CLMN: variants seen among roughly 807,000 people sequenced by gnomAD.
CLMN encodes calmin, also known as calmin (calponin-like, transmembrane).
A neutral mutation model predicts 92.7 loss-of-function variants in CLMN; 57 were observed. The ratio of observed to expected loss-of-function variants is 0.61; its 90% CI spans 0.50 to 0.77. CLMN has a LOEUF of 0.77. Ranked by LOEUF, CLMN falls within the 30% of genes least tolerant of loss-of-function variation. The pLI, the probability that CLMN is intolerant of heterozygous loss-of-function variation, is 0.00. For missense variants in CLMN, 1,158 were observed against 1,237.5 expected (o/e 0.94, Z 0.96); for synonymous variants, 466 against 470.6 (o/e 0.99, Z 0.13).
Position 95,191,971 on chromosome 14 carries a change from G to A in CLMN, c.2841-239C>T. Reference sequence around the variant, plus strand: ...TCCGTTCATCTCCATAACATCAGGTGAGAGGAGGTGGCAGCCCCATTCTGC... The same window carrying A: ...TCCGTTCATCTCCATAACATCAGGTAAGAGGAGGTGGCAGCCCCATTCTGC... On this transcript the variant is annotated intron_variant, in intron 12 of 12. Transcript: ENST00000298912. This position sits in a 1 kb window ranked among gnomAD's most constrained non-coding sequence, Gnocchi z 5.3. 2.6e-6 allele frequency: 1 copy of A among 390,740 alleles called. No homozygotes were observed. The highest frequency in any genetic ancestry group is 4.6e-6 in the Non-Finnish European group (1 of 218,620). The allele number at this position is 390,740 out of a possible 1,614,324, so 24.2% of individuals were successfully genotyped here. A position where few individuals can be genotyped will look rare whatever the true frequency, so the allele number is the denominator to read the frequency against.
intron 6 of CLMN, 54 bp downstream of exon 6, chr14:95,213,165 G>T: frequency 6.4e-7 from 1 of 1,557,870 alleles, no homozygotes; most frequent in Non-Finnish European, 8.8e-7. Context: ...CCTTTCCTCT[G>T]CCTGAAAGCA....
At position 95,204,240 on chromosome 14, in the gene CLMN, T is replaced by C. The variant is rs1896977892; in HGVS notation, c.1109A>G (p.His370Arg). ...KEFRLDGVSS[H>R]ALSDSSTEFM... is the part of the protein sequence containing the mutation. Reference sequence around the variant, plus strand: ...CTCGGTGGAGCTGTCTGACAGCGCATGGCTGGAAACACCATCCAGGCGGAA... The same window carrying C: ...CTCGGTGGAGCTGTCTGACAGCGCACGGCTGGAAACACCATCCAGGCGGAA... Residue 370 changes from histidine (H) to arginine (R), a missense_variant, in exon 9 of 13, where the codon CAT (histidine) becomes CGT (arginine). Physicochemically the swap from His to Arg is conservative, Grantham distance 29 (BLOSUM62 0). Coordinates refer to ENST00000298912, the MANE Select transcript of CLMN (RefSeq NM_024734.4). 2 of 1,613,860 alleles carry C rather than the reference T, an allele frequency of 1.2e-6. No individual in the cohort carries two copies. Among genetic ancestry groups the C allele is most frequent in the African/African-American group, 1.3e-5 (1 of 74,826 alleles).
At chr14:95,230,366 G>A (rs1897846305) in intron 1 of CLMN, among the ~76,000 whole-genome samples, 1 of 152,164 alleles carries the variant, frequency 6.6e-6, no homozygotes, top group South Asian at 2.1e-4. Context: ...CAGACACATG[G>A]AACAAAATGT....
chr14:95,232,852 C>G lies in CLMN; in HGVS notation c.83-2719G>C, dbSNP rs548624040. On this transcript the variant is annotated intron_variant, in intron 1 of 12. Coordinates refer to ENST00000298912, the MANE Select transcript of CLMN (RefSeq NM_024734.4). ...GTTTTCCATAGTCTGGTTGTTCCCC[C>G]TGTGGATGGACATCAAGACTGCTGC... is the stretch of plus-strand genomic sequence containing the variant. Among the ~76,000 whole-genome samples, 73 of 152,308 alleles carry G rather than the reference C, an allele frequency of 4.8e-4. 1 individual carries two copies. Among genetic ancestry groups the G allele is most frequent in the African/African-American group, 1.7e-3 (70 of 41,574 alleles).
intron 1 of CLMN, among the ~76,000 whole-genome samples, chr14:95,282,087 T>C (rs1482306882): frequency 1.3e-5 from 2 of 152,220 alleles, no homozygotes; most frequent in Non-Finnish European, 2.9e-5. Context: ...AACATGTCAA[T>C]TGGGTTCTGA....
At chr14:95,214,068 G>T (rs1335081926) in intron 5 of CLMN, among the ~76,000 whole-genome samples, 1 of 151,916 alleles carries the variant, frequency 6.6e-6, no homozygotes, top group South Asian at 2.1e-4. Flanking sequence ...TGAGCTAGCT[G>T]CCCCTGCTTG....
At chr14:95,276,327 G>A (rs76446311) in intron 1 of CLMN, among the ~76,000 whole-genome samples, 16,427 of 152,184 alleles carry the variant, frequency 0.11, 1,060 homozygotes, top group African/African-American at 0.17. Context: ...AGTGGATTTC[G>A]TGCCACAGGA....
chr14:95,314,996 C>T (rs1239221187), intron 1 of CLMN, among the ~76,000 whole-genome samples: 1 of 152,178 alleles, frequency 6.6e-6, no homozygotes, highest in Non-Finnish European at 1.5e-5. Flanking sequence ...GGAACAGGAA[C>T]GGTCCCTCCT....
chr14:95,226,662 A>T (rs1191173405), intron 2 of CLMN, among the ~76,000 whole-genome samples: 2 of 151,828 alleles, frequency 1.3e-5, no homozygotes. Flanking sequence ...CTGCAGTCTC[A>T]AACCCTTAGC....
Position 95,210,688 on chromosome 14 carries a change from T to G in CLMN, c.800A>C (p.Glu267Ala). 1 of 1,605,932 alleles carries G rather than the reference T, an allele frequency of 6.2e-7. No individual in the cohort carries two copies. Among genetic ancestry groups the G allele is most frequent in the Non-Finnish European group, 8.5e-7 (1 of 1,177,248 alleles). ...AAGAAAGAGAGAACCACTGCTACCT[T>G]CTGGCTCCAGGAGCCTGGGGATGTG... ...ALHIPRLLEP[E>A]DIMVDTPDEQ... The change falls in exon 7 of 13, where the codon GAA becomes GCA. Residue 267 changes from glutamate to alanine, a missense_variant and splice_region_variant. Glu to Ala is a moderately radical substitution (Grantham distance 107). Transcript: ENST00000298912.
In CLMN at chr14:95,182,705, C is replaced by T. The variant is rs766642491; in HGVS notation, c.*8859G>A. 4 of 149,856 alleles carry T rather than the reference C, an allele frequency of 2.7e-5. No individual in the cohort carries two copies. Among genetic ancestry groups the T allele is most frequent in the Non-Finnish European group, 4.4e-5 (3 of 68,012 alleles). 9.3% of individuals were successfully genotyped at this position (149,856 alleles called of 1,614,324 possible). A position where few individuals can be genotyped will look rare whatever the true frequency, so the allele number is the denominator to read the frequency against. The stretch of plus-strand genomic sequence containing the variant: ...TCAGAAGCCTTTTTGAGTCGTTACT[C>T]GGGGAAGGGGAAAAGATGAGGGATG... On this transcript the variant is annotated 3_prime_UTR_variant, in exon 13 of 13. Transcript: ENST00000298912.
intron 1 of CLMN, among the ~76,000 whole-genome samples, chr14:95,319,311 A>T (rs1223278706): frequency 2.8e-5 from 4 of 144,758 alleles, no homozygotes; most frequent in African/African-American, 1.1e-4. Flanking sequence ...ACTCACACAC[A>T]CACACACACA....
Position 95,252,486 on chromosome 14 carries a change from T to C in CLMN, c.83-22353A>G, listed in dbSNP as rs78461332. Among the ~76,000 whole-genome samples, 68 of 152,318 alleles carry C rather than the reference T, an allele frequency of 4.5e-4. 1 individual carries two copies. The East Asian group carries it at 0.013, about 29-fold the overall frequency. Reference sequence around the variant, plus strand: ...CACCCATCAGTCCAAGCAAGACTCATTGCTTACGAGTAGCTGAGAGACATC... The same window carrying C: ...CACCCATCAGTCCAAGCAAGACTCACTGCTTACGAGTAGCTGAGAGACATC... On this transcript the variant is annotated intron_variant, in intron 1 of 12. Transcript: ENST00000298912.
At position 95,203,314 on chromosome 14, in the gene CLMN, G is replaced by A. The variant is rs1341395995; in HGVS notation, c.2035C>T (p.Leu679Phe). 1 of 1,614,114 alleles carries A rather than the reference G, an allele frequency of 6.2e-7. No homozygotes were observed. Residue 679 changes from leucine (L) to phenylalanine (F), a missense_variant, in exon 9 of 13, where the codon CTC becomes TTC. By Grantham distance (22) the Leu-to-Phe change is conservative. Transcript: ENST00000298912. Reference protein sequence around the residue: ...HYEEEGEDDDLQGVGEELSSS... With the variant: ...HYEEEGEDDDFQGVGEELSSS... ...GATAATTCCTCGCCCACACCCTGGAGGTCATCGTCTTCTCCCTCTTCCTCA... is the reference window on the plus strand; with the variant it reads ...GATAATTCCTCGCCCACACCCTGGAAGTCATCGTCTTCTCCCTCTTCCTCA...
At chr14:95,220,966 A>G (rs1359782734) in intron 4 of CLMN, among the ~76,000 whole-genome samples, 6 of 152,146 alleles carry the variant, frequency 3.9e-5, no homozygotes, top group Non-Finnish European at 7.4e-5. Context: ...TTCTGTGGCT[A>G]CTCGGCATAT....
chr14:95,203,710 C>G lies in CLMN; in HGVS notation c.1639G>C (p.Val547Leu), dbSNP rs1292284400. Reference protein sequence around the residue: ...SFQIKVNLMTVEALEEGDYFE... With the variant: ...SFQIKVNLMTLEALEEGDYFE... Reference sequence around the variant, plus strand: ...TAGTCTCCCTCCTCTAAAGCTTCTACAGTCATCAGGTTAACCTTGATCTGG... The same window carrying G: ...TAGTCTCCCTCCTCTAAAGCTTCTAGAGTCATCAGGTTAACCTTGATCTGG... Residue 547 changes from valine to leucine, a missense_variant, in exon 9 of 13, where the codon GTA (valine) becomes CTA (leucine). Val to Leu is a conservative substitution (Grantham distance 32). Coordinates refer to ENST00000298912, the MANE Select transcript of CLMN (RefSeq NM_024734.4). 1 of 1,614,064 alleles carries G rather than the reference C, an allele frequency of 6.2e-7. No homozygotes were observed. Among genetic ancestry groups the G allele is most frequent in the Admixed American group, 1.7e-5 (1 of 60,000 alleles).
rs778737889 is a variant in CLMN at position 95,203,492 on chromosome 14, C to T, written c.1857G>A (p.Ser619=). ...TGTCCATCTTAACTTGAGGCTCTGGCGAATCCTTCTTTTTGTGAGCAGATT... is the reference window on the plus strand; with the variant it reads ...TGTCCATCTTAACTTGAGGCTCTGGTGAATCCTTCTTTTTGTGAGCAGATT... ...SIKSAHKKKD[S]PEPQVKMDKH... Residue 619 remains serine (S), a synonymous_variant, in exon 9 of 13, where the codon TCG becomes TCA. Transcript: ENST00000298912. 3.5e-5 allele frequency: 56 copies of T among 1,613,952 alleles called. No individual in the cohort carries two copies. The highest frequency in any genetic ancestry group is 4.5e-5 in the East Asian group (2 of 44,884).
intron 1 of CLMN, among the ~76,000 whole-genome samples, chr14:95,232,696 A>G (rs1897927963): frequency 6.6e-6 from 1 of 152,224 alleles, no homozygotes; most frequent in Non-Finnish European, 1.5e-5. Flanking sequence ...GGGAGGAGAC[A>G]TGTGCTGAGA....
intron 1 of CLMN, among the ~76,000 whole-genome samples, chr14:95,260,835 TATG>T (rs1232937531): frequency 6.6e-6 from 1 of 152,186 alleles, no homozygotes; most frequent in Non-Finnish European, 1.5e-5. Context: ...TCATTCACAG[TATG>T]ATATTCTATG....
Sources: gnomAD v4.1 joint callset for allele counts (sites outside exome capture counted in the v4.1 genomes callset) on GRCh38, gnomAD v4.1.1 for gene constraint, Gnocchi (gnomAD v3.1) non-coding constraint, MANE v1.5 for transcripts, NCBI Gene and HGNC (gene_info 2026-07-23, HGNC 2026-07-21) for gene names.